Variants in AGBL4 observed in about 807,000 individuals in gnomAD.
AGBL4 encodes AGBL carboxypeptidase 4, also known as cytosolic carboxypeptidase 6.
In AGBL4, 58 loss-of-function variants were observed where a neutral mutation model predicts 66.4. The observed-to-expected ratio is 0.87, with a 90% confidence interval of 0.71 to 1.09. AGBL4 has a LOEUF of 1.09. Ranked by LOEUF, AGBL4 falls within the 50% of genes least tolerant of loss-of-function variation. The pLI is 0.00. For synonymous variants in AGBL4, 234 were observed against 222.9 expected, an observed-to-expected ratio of 1.05 and a Z score of -0.44; for missense variants, 579 against 631.0, an observed-to-expected ratio of 0.92 and a Z score of 0.88.
chr1:48,610,281 C>T (rs1218395793), intron 9 of AGBL4, among the ~76,000 whole-genome samples: 1 of 152,192 alleles, frequency 6.6e-6, no homozygotes, highest in Non-Finnish European at 1.5e-5. Flanking sequence ...ATCCCCAGTG[C>T]TCAGTGCCTA....
At chr1:48,929,213 T>C (rs909683775) in intron 5 of AGBL4, among the ~76,000 whole-genome samples, 1 of 152,220 alleles carries the variant, frequency 6.6e-6, no homozygotes, top group Non-Finnish European at 1.5e-5. Context: ...TCAAGGTCTC[T>C]GAGGTAAAAG....
At chr1:48,690,072 G>C (rs1364080434) in intron 6 of AGBL4, among the ~76,000 whole-genome samples, 1 of 152,264 alleles carries the variant, frequency 6.6e-6, no homozygotes, top group African/African-American at 2.4e-5. Flanking sequence ...GAGGTCAAGA[G>C]GGCAGCAAGT....
intron 3 of AGBL4, among the ~76,000 whole-genome samples, chr1:49,518,800 AATTGT>A (rs1052634392): frequency 6.6e-6 from 1 of 152,090 alleles, no homozygotes; most frequent in Non-Finnish European, 1.5e-5. Context: ...ACTTAAATGC[AATTGT>A]ATTACTTTTT....
intron 1 of AGBL4, among the ~76,000 whole-genome samples, chr1:49,928,251 A>T (rs534132122): frequency 6.6e-6 from 1 of 152,012 alleles, no homozygotes; most frequent in East Asian, 1.9e-4. Flanking sequence ...TTTTATTTTT[A>T]TTTTTATTTT....
chr1:49,194,088 G>A lies in AGBL4; in HGVS notation c.377+51682C>T, dbSNP rs374075121. Reference sequence around the variant, plus strand: ...TCTTTGTTGATTTTCTGTCTCAATGGTCTGTTTATTGCTGTTAGTAGGATG... The same window carrying A: ...TCTTTGTTGATTTTCTGTCTCAATGATCTGTTTATTGCTGTTAGTAGGATG... On this transcript the variant is annotated intron_variant, in intron 4 of 13. Coordinates refer to ENST00000371839, the MANE Select transcript of AGBL4 (RefSeq NM_032785.4). 3.8e-4 allele frequency among the ~76,000 whole-genome samples: 58 copies of A among 152,160 alleles called. 1 individual carries two copies. The South Asian group carries it at 1.0e-2, about 26-fold the overall frequency.
At chr1:49,030,571 C>T (rs1326025372) in intron 5 of AGBL4, among the ~76,000 whole-genome samples, 2 of 152,004 alleles carry the variant, frequency 1.3e-5, no homozygotes, top group Admixed American at 1.3e-4. Context: ...ATTAGATTCT[C>T]AAAGGAGTGC....
intron 3 of AGBL4, among the ~76,000 whole-genome samples, chr1:49,565,920 C>T (rs1282028271): frequency 5.9e-5 from 9 of 152,254 alleles, no homozygotes; most frequent in East Asian, 1.9e-4. Flanking sequence ...CCATTCTCCC[C>T]GTCACTTTCA....
rs1646134574 is a variant in AGBL4 at position 48,663,160 on chromosome 1, A to C, written c.716T>G (p.Val239Gly). 1.2e-6 allele frequency: 2 copies of C among 1,613,990 alleles called. No individual in the cohort carries two copies. Among genetic ancestry groups the C allele is most frequent in the Non-Finnish European group, 1.7e-6 (2 of 1,179,876 alleles). Residue 239 changes from valine to glycine, a missense_variant, in exon 7 of 14, where the codon GTG becomes GGG. Physicochemically the swap from Val to Gly is moderately radical, Grantham distance 109. Coordinates refer to ENST00000371839, the MANE Select transcript of AGBL4 (RefSeq NM_032785.4). The stretch of plus-strand genomic sequence containing the variant: ...GAGATCCTGCCACTCACCTTGGCAC[A>C]CAAATGATGAGGGTGTTTCCCCTGG... ...VHPGETPSSF[V>G]CQGIIDFLVS...
intron 9 of AGBL4, among the ~76,000 whole-genome samples, chr1:48,603,535 G>A (rs1440771652): frequency 6.6e-6 from 1 of 152,084 alleles, no homozygotes; most frequent in Non-Finnish European, 1.5e-5. Context: ...AGGGGGGTGA[G>A]GAAACAGACT....
chr1:49,764,419 T>G (rs1652582998), intron 2 of AGBL4, among the ~76,000 whole-genome samples: 1 of 151,934 alleles, frequency 6.6e-6, no homozygotes, highest in African/African-American at 2.4e-5. Flanking sequence ...TGGGTTCCAA[T>G]CACATAAACA....
intron 3 of AGBL4, among the ~76,000 whole-genome samples, chr1:49,602,525 A>C (rs1251506693): frequency 1.3e-5 from 2 of 152,160 alleles, no homozygotes; most frequent in African/African-American, 4.8e-5. Context: ...AAAAAGGATG[A>C]GTTCATGTCC....
chr1:48,805,683 C>T (rs1299942763), intron 6 of AGBL4, among the ~76,000 whole-genome samples: 3 of 152,146 alleles, frequency 2.0e-5, no homozygotes, highest in Admixed American at 6.5e-5. Context: ...TACTTCACCA[C>T]AACGAACCTC....
intron 6 of AGBL4, among the ~76,000 whole-genome samples, chr1:48,814,361 T>C (rs2148761686): frequency 2.3e-5 from 1 of 44,322 alleles, no homozygotes; most frequent in Middle Eastern, 0.022. Context: ...TACATATTCA[T>C]GGGAAACATA....
At chr1:49,576,071 G>A (rs1286934030) in intron 3 of AGBL4, among the ~76,000 whole-genome samples, 1 of 152,246 alleles carries the variant, frequency 6.6e-6, no homozygotes. Context: ...AATTTCTAGG[G>A]TACAGTAGTC....
At chr1:48,765,205 A>C (rs1260609874) in intron 6 of AGBL4, among the ~76,000 whole-genome samples, 1 of 152,242 alleles carries the variant, frequency 6.6e-6, no homozygotes, top group Non-Finnish European at 1.5e-5. Context: ...GAGTAACCTC[A>C]TCAGGGCAGG....
At chr1:49,984,349 T>A (rs569600659) in intron 1 of AGBL4, among the ~76,000 whole-genome samples, 1 of 152,326 alleles carries the variant, frequency 6.6e-6, no homozygotes, top group African/African-American at 2.4e-5. Context: ...GACTGCATCT[T>A]TGAGAGCCTT....
chr1:48,838,143 C>A (rs1251558764), intron 6 of AGBL4, among the ~76,000 whole-genome samples: 1 of 151,860 alleles, frequency 6.6e-6, no homozygotes, highest in Non-Finnish European at 1.5e-5. Flanking sequence ...CAGTGCAATC[C>A]CTATAAAAAT....
At chr1:48,987,928 C>A (rs1275909019) in intron 5 of AGBL4, among the ~76,000 whole-genome samples, 3 of 152,098 alleles carry the variant, frequency 2.0e-5, no homozygotes, top group Non-Finnish European at 4.4e-5. Context: ...CTGGGTTTTT[C>A]TCATGCTGGG....
intron 4 of AGBL4, among the ~76,000 whole-genome samples, chr1:49,149,839 A>G (rs1334533254): frequency 6.6e-6 from 1 of 152,224 alleles, no homozygotes; most frequent in Non-Finnish European, 1.5e-5. Context: ...CAGTAGTGCT[A>G]GCTTTTTCTG....
Sources: gnomAD v4.1 joint callset for allele counts (sites outside exome capture counted in the v4.1 genomes callset) on GRCh38, gnomAD v4.1.1 for gene constraint, MANE v1.5 for transcripts, NCBI Gene and HGNC (gene_info 2026-07-23, HGNC 2026-07-21) for gene names.